The following ADNP2 variants were observed in gnomAD, a reference collection of about 807,000 sequenced individuals.
ADNP2 encodes the protein activity-dependent neuroprotector homeobox protein 2.
A neutral mutation model predicts 16.4 loss-of-function variants in ADNP2; 8 were observed. The observed-to-expected ratio is 0.49, with a 90% CI of 0.29 to 0.88. The LOEUF (loss-of-function observed/expected upper bound fraction) is 0.88. Ranked by LOEUF, ADNP2 falls within the 40% of genes least tolerant of loss-of-function variation. The probability of loss-of-function intolerance (pLI) is 0.09; values close to 1 mark genes in which losing one functional copy is unlikely to be tolerated. For missense variants in ADNP2, 1,397 were observed against 1,395.1 expected, an observed-to-expected ratio of 1.00 and a Z score of -0.02; for synonymous variants, 637 against 545.8, an observed-to-expected ratio of 1.17 and a Z score of -2.33.
chr18:80,111,036 C>A (rs2052353811), intron 1 of ADNP2, among the ~76,000 whole-genome samples: 1 of 152,144 alleles, frequency 6.6e-6, no homozygotes, highest in Non-Finnish European at 1.5e-5. Context: ...TGATTGCCCT[C>A]ATAAGTTCAC....
rs771938083 is a variant in ADNP2, at chr18:80,136,748, G to C, written c.1335G>C (p.Pro445=). The C allele has an allele frequency of 5.6e-6, 9 of 1,612,086 alleles. No homozygotes were observed. The East Asian group carries it at 2.0e-4, about 36-fold the overall frequency. The change falls in exon 4 of 4, where the codon CCG becomes CCC. Residue 445 remains proline (P), a synonymous_variant. Coordinates refer to ENST00000262198, the MANE Select transcript of ADNP2 (RefSeq NM_014913.4). ...TGCTTTCTGTGAGTCGGGCGGTCCCGTCTGGAGTCCTTCCTGCAGGCCAGA... is the reference window on the plus strand; with the variant it reads ...TGCTTTCTGTGAGTCGGGCGGTCCCCTCTGGAGTCCTTCCTGCAGGCCAGA... ...PGVLSVSRAV[P]SGVLPAGQMT... is the part of the protein sequence containing the mutation.
chr18:80,125,372 G>A (rs773506289), intron 2 of ADNP2, among the ~76,000 whole-genome samples: 29 of 152,122 alleles, frequency 1.9e-4, no homozygotes, highest in Admixed American at 2.6e-4. Flanking sequence ...GGCCGGGGGC[G>A]GTGGCTCACG....
At chr18:80,116,009 C>T (rs2052386884) in intron 1 of ADNP2, among the ~76,000 whole-genome samples, 1 of 152,188 alleles carries the variant, frequency 6.6e-6, no homozygotes, top group Admixed American at 6.5e-5. Flanking sequence ...AGGTGATCCA[C>T]CCACCTTGGC....
At chr18:80,116,948 G>T (rs373177186) in intron 1 of ADNP2, among the ~76,000 whole-genome samples, 1 of 152,176 alleles carries the variant, frequency 6.6e-6, no homozygotes, top group Non-Finnish European at 1.5e-5. Flanking sequence ...CCCTGCCTGA[G>T]CATCTTTTCA....
Position 80,137,983 on chromosome 18 carries a change from T to G in ADNP2, c.2570T>G (p.Val857Gly). 6.2e-7 allele frequency: 1 copy of G among 1,613,338 alleles called. No individual in the cohort carries two copies. Among genetic ancestry groups the G allele is most frequent in the Non-Finnish European group, 8.5e-7 (1 of 1,180,002 alleles). Reference sequence around the variant, plus strand: ...TCCAAGTCACTGGTGCCTGTGTATGTGAAGGTGAGGCCTCAGGCTGAGGGC... The same window carrying G: ...TCCAAGTCACTGGTGCCTGTGTATGGGAAGGTGAGGCCTCAGGCTGAGGGC... The part of the protein sequence containing the change: ...IHSKSLVPVY[V>G]KVRPQAEGTP... Residue 857 changes from valine (V) to glycine (G), a missense_variant, in exon 4 of 4, where the codon GTG (valine) becomes GGG (glycine). Transcript: ENST00000262198. The surrounding 1 kb of genome is among the most constrained non-coding windows in gnomAD (Gnocchi z 4.2).
intron 1 of ADNP2, among the ~76,000 whole-genome samples, chr18:80,116,545 C>CTTTTT (rs142096214): frequency 6.7e-6 from 1 of 149,728 alleles, no homozygotes. Context: ...AACACGTTTC[C>CTTTTT]TTTTTTTTTT....
In ADNP2 at chr18:80,137,124, G is replaced by A; in HGVS notation, c.1711G>A (p.Val571Met). Residue 571 changes from valine (V) to methionine (M), a missense_variant, in exon 4 of 4, where the codon GTG becomes ATG. This residue lies in a region of ADNP2 where 777 missense variants were observed against 719.4 expected (regional missense o/e 1.08). Transcript: ENST00000262198. This position sits in a 1 kb window ranked among gnomAD's most constrained non-coding sequence, Gnocchi z 4.2. ...TGGGGTCTTGCAACTCAACCAGACT[G>A]TGGGCACCAACATTCTGCCTGTGAA... ...RPGVLQLNQT[V>M]GTNILPVNQP... is the part of the protein sequence containing the mutation. The A allele has an allele frequency of 6.2e-7, 1 of 1,614,222 alleles. No individual in the cohort carries two copies. The highest frequency in any genetic ancestry group is 8.5e-7 in the Non-Finnish European group (1 of 1,180,044).
intron 1 of ADNP2, among the ~76,000 whole-genome samples, chr18:80,117,329 G>A (rs2052395770): frequency 6.6e-6 from 1 of 152,088 alleles, no homozygotes; most frequent in African/African-American, 2.4e-5. Context: ...ACAGGTGTGT[G>A]ATCCACTTTT....
At chr18:80,123,597 G>A (rs747408315) in intron 2 of ADNP2, among the ~76,000 whole-genome samples, 3 of 152,012 alleles carry the variant, frequency 2.0e-5, no homozygotes, top group Non-Finnish European at 4.4e-5. Flanking sequence ...TCGAACTCCC[G>A]ACCTCAGGTG....
In ADNP2 at chr18:80,139,289, G is replaced by A. The variant is rs2052565672; in HGVS notation, c.*480G>A. 1 of 152,530 alleles carries A rather than the reference G, an allele frequency of 6.6e-6. No individual in the cohort carries two copies. Among genetic ancestry groups the A allele is most frequent in the South Asian group, 2.1e-4 (1 of 4,842 alleles). The allele number at this position is 152,530 out of a possible 1,614,324, so 9.4% of individuals were successfully genotyped here. A position where few individuals can be genotyped will look rare whatever the true frequency, so the allele number is the denominator to read the frequency against. Reference sequence around the variant, plus strand: ...CGTGGGTACAAACCCTGTGATGTATGTATAAGGCTCCCTGAGGATGCACTG... The same window carrying A: ...CGTGGGTACAAACCCTGTGATGTATATATAAGGCTCCCTGAGGATGCACTG... On this transcript the variant is annotated 3_prime_UTR_variant, in exon 4 of 4. Transcript: ENST00000262198.
chr18:80,135,332 T>C lies in ADNP2; in HGVS notation c.199-280T>C, dbSNP rs2052524633. On this transcript the variant is annotated intron_variant, in intron 3 of 3. Coordinates refer to ENST00000262198, the MANE Select transcript of ADNP2 (RefSeq NM_014913.4). ...CAAATTGGTGTTTGTAAATAAAGTT[T>C]TATTGGAACATAAATTACAAATTAT... 2.0e-5 allele frequency among the ~76,000 whole-genome samples: 3 copies of C among 152,234 alleles called. No homozygotes were observed. In the South Asian group the frequency reaches 6.2e-4, roughly 32 times the overall value.
chr18:80,132,824 A>C (rs771395806), intron 2 of ADNP2, among the ~76,000 whole-genome samples: 4 of 151,874 alleles, frequency 2.6e-5, no homozygotes, highest in Non-Finnish European at 5.9e-5. Context: ...GGTTCAAGCA[A>C]TTCTCCTGCC....
intron 2 of ADNP2, among the ~76,000 whole-genome samples, chr18:80,128,136 TTTC>T (rs1357227474): frequency 6.6e-6 from 1 of 152,260 alleles, no homozygotes; most frequent in Non-Finnish European, 1.5e-5. Flanking sequence ...TCTTTATTCA[TTTC>T]TGCTGCTCTA....
intron 3 of ADNP2, 74 bp from the exon 4 acceptor site, chr18:80,135,538 T>C (rs1188426804): frequency 7.3e-7 from 1 of 1,363,590 alleles, no homozygotes; most frequent in Non-Finnish European, 1.0e-6. Context: ...AGGGATCAAG[T>C]CCTCAGGGAC....
chr18:80,129,136 C>G (rs895328226), intron 2 of ADNP2, among the ~76,000 whole-genome samples: 2 of 140,588 alleles, frequency 1.4e-5, no homozygotes, highest in East Asian at 2.0e-4. Flanking sequence ...TGGGGTCTCG[C>G]TCTGTCTTCC....
intron 2 of ADNP2, among the ~76,000 whole-genome samples, chr18:80,120,247 C>A (rs539574382): frequency 6.6e-6 from 1 of 152,252 alleles, no homozygotes; most frequent in East Asian, 1.9e-4. Context: ...ATGGTTACCA[C>A]TGAGCATTAA....
intron 1 of ADNP2, among the ~76,000 whole-genome samples, chr18:80,113,685 C>G (rs139512436): frequency 5.0e-4 from 76 of 152,162 alleles, no homozygotes; most frequent in African/African-American, 1.5e-3. Context: ...CCCTCTCAAG[C>G]AAATATAACA....
chr18:80,134,058 C>T (rs866785794), intron 3 of ADNP2, among the ~76,000 whole-genome samples: 47 of 152,026 alleles, frequency 3.1e-4, no homozygotes, highest in African/African-American at 1.1e-3. Flanking sequence ...AGTCTCTGAC[C>T]TGACACTCTC....
rs2052553644 is a variant in ADNP2 at position 80,137,962 on chromosome 18, A to C, written c.2549A>C (p.Lys850Thr). 1 of 1,613,266 alleles carries C rather than the reference A, an allele frequency of 6.2e-7. No individual in the cohort carries two copies. The highest frequency in any genetic ancestry group is 8.5e-7 in the Non-Finnish European group (1 of 1,180,018). Reference protein sequence around the residue: ...YLAILAGIHSKSLVPVYVKVR... With the variant: ...YLAILAGIHSTSLVPVYVKVR... ...GCAATCCTGGCTGGGATACACTCCAAGTCACTGGTGCCTGTGTATGTGAAG... is the reference window on the plus strand; with the variant it reads ...GCAATCCTGGCTGGGATACACTCCACGTCACTGGTGCCTGTGTATGTGAAG... The change falls in exon 4 of 4, where the codon AAG (lysine) becomes ACG (threonine). Residue 850 changes from lysine to threonine, a missense_variant. By Grantham distance (78) the Lys-to-Thr change is moderately conservative. Coordinates refer to ENST00000262198, the MANE Select transcript of ADNP2 (RefSeq NM_014913.4). The surrounding 1 kb of genome is among the most constrained non-coding windows in gnomAD (Gnocchi z 4.2).
Sources: allele counts gnomAD v4.1 joint callset (sites outside exome capture counted in the v4.1 genomes callset), GRCh38; gene constraint gnomAD v4.1.1; regional missense constraint gnomAD v4.1.1; non-coding constraint Gnocchi (gnomAD v3.1); transcripts MANE v1.5; gene names NCBI Gene and HGNC (gene_info 2026-07-23, HGNC 2026-07-21).